Variants in CNTN5 observed in about 807,000 individuals in gnomAD.
The protein encoded by CNTN5 is contactin 5.
CNTN5 carries 77 observed loss-of-function variants against 129.1 expected under a neutral mutation model. The observed-to-expected ratio is 0.60, with a 90% CI of 0.50 to 0.72. CNTN5 has a LOEUF of 0.72. CNTN5 is among the 30% of genes least tolerant of loss of function. The probability of loss-of-function intolerance (pLI) is 0.00; values close to 1 mark genes in which losing one functional copy is unlikely to be tolerated. For missense variants in CNTN5, 1,478 were observed against 1,328.8 expected, an observed-to-expected ratio of 1.11 and a Z score of -1.75; for synonymous variants, 509 against 465.6, an observed-to-expected ratio of 1.09 and a Z score of -1.20.
intron 1 of CNTN5, among the ~76,000 whole-genome samples, chr11:99,093,020 G>T (rs1866317915): frequency 6.6e-6 from 1 of 151,832 alleles, no homozygotes; most frequent in Non-Finnish European, 1.5e-5. Context: ...ATTATTTCTT[G>T]AATTTTAAGA....
At chr11:99,786,111 G>A (rs543357065) in intron 3 of CNTN5, among the ~76,000 whole-genome samples, 2,199 of 152,128 alleles carry the variant, frequency 0.014, 50 homozygotes, top group South Asian at 0.087. Flanking sequence ...AAACCCCGTC[G>A]TCTCAGCCCC....
chr11:100,222,538 G>A (rs1432683454), intron 15 of CNTN5, among the ~76,000 whole-genome samples: 2 of 151,856 alleles, frequency 1.3e-5, no homozygotes, highest in Admixed American at 1.3e-4. Flanking sequence ...ATTAATTACA[G>A]GAATGTGATT....
At chr11:100,068,584 A>G (rs1943783421) in intron 10 of CNTN5, among the ~76,000 whole-genome samples, 1 of 152,152 alleles carries the variant, frequency 6.6e-6, no homozygotes, top group Non-Finnish European at 1.5e-5. Flanking sequence ...GTAAAAGTAG[A>G]GTTTAATATT....
intron 2 of CNTN5, among the ~76,000 whole-genome samples, chr11:99,469,615 T>C (rs1355063893): frequency 2.0e-5 from 3 of 152,116 alleles, no homozygotes; most frequent in African/African-American, 7.2e-5. Context: ...TACTATTGAG[T>C]TTAAACTCAA....
chr11:99,369,212 T>TGTATA (rs1939665347), intron 2 of CNTN5, among the ~76,000 whole-genome samples: 1 of 55,752 alleles, frequency 1.8e-5, no homozygotes, highest in Non-Finnish European at 3.5e-5. Context: ...ATATATATTA[T>TGTATA]ATATAATATA....
intron 3 of CNTN5, among the ~76,000 whole-genome samples, chr11:99,693,461 G>A (rs369618845): frequency 2.0e-5 from 3 of 151,844 alleles, no homozygotes; most frequent in African/African-American, 7.3e-5. Flanking sequence ...GGAGGTATTT[G>A]AATTGAGGGG....
intron 3 of CNTN5, among the ~76,000 whole-genome samples, chr11:99,776,404 T>A (rs1348679552): frequency 1.3e-5 from 2 of 151,976 alleles, no homozygotes; most frequent in South Asian, 2.1e-4. Flanking sequence ...ATAGAAAAAA[T>A]TTCTCTAAAA....
intron 6 of CNTN5, among the ~76,000 whole-genome samples, chr11:99,881,672 G>A (rs527651387): frequency 4.9e-4 from 74 of 152,318 alleles, no homozygotes; most frequent in Admixed American, 1.4e-3. Context: ...AGCTGGCTTA[G>A]TAAGTGCTGC....
rs150775484 is a variant in CNTN5, at chr11:99,647,452, A to G, written c.55+91183A>G. Among the ~76,000 whole-genome samples the G allele has an allele frequency of 1.4e-3, 212 of 152,034 alleles. 1 individual carries two copies. The highest frequency in any genetic ancestry group is 5.0e-3 in the African/African-American group (208 of 41,508). ...TTTGTTTACTATAATCTTGTAGTAT[A>G]TTTTGAAATCTAGTAGTCTCATACT... On this transcript the variant is annotated intron_variant, in intron 3 of 24. Transcript: ENST00000524871.
chr11:99,167,687 G>A (rs1860939263), intron 1 of CNTN5, among the ~76,000 whole-genome samples: 1 of 152,016 alleles, frequency 6.6e-6, no homozygotes. Context: ...AATGGGGTGT[G>A]AAAGAACTTA....
Position 99,028,223 on chromosome 11 carries a change from T to G in CNTN5, c.-210+6953T>G, listed in dbSNP as rs189482299. ...AAAATATATGACTGTGTTTGTTTGT[T>G]TCTCATTCTTTAACGTGGTCTTGTT... On this transcript the variant is annotated intron_variant, in intron 1 of 24. Coordinates refer to ENST00000524871, the MANE Select transcript of CNTN5 (RefSeq NM_014361.4). Among the ~76,000 whole-genome samples, 612 of 151,964 alleles carry G rather than the reference T, an allele frequency of 4.0e-3. 4 individuals carry two copies. Among genetic ancestry groups the G allele is most frequent in the African/African-American group, 0.014 (578 of 41,558 alleles).
At chr11:99,266,952 A>G (rs1862929688) in intron 1 of CNTN5, among the ~76,000 whole-genome samples, 1 of 152,094 alleles carries the variant, frequency 6.6e-6, no homozygotes, top group South Asian at 2.1e-4. Flanking sequence ...GACTATGGAC[A>G]GAAGGAAGAT....
intron 3 of CNTN5, among the ~76,000 whole-genome samples, chr11:99,761,248 A>G (rs1431115799): frequency 2.0e-5 from 3 of 151,876 alleles, no homozygotes; most frequent in African/African-American, 7.3e-5. Context: ...TTTCTGTATT[A>G]GTTTTTTTTT....
intron 6 of CNTN5, among the ~76,000 whole-genome samples, chr11:99,854,426 C>T (rs1947969743): frequency 6.6e-6 from 1 of 151,826 alleles, no homozygotes; most frequent in African/African-American, 2.4e-5. Flanking sequence ...GGGAAAGTCA[C>T]ATTAGGAGGT....
At chr11:99,189,977 T>C (rs926231833) in intron 1 of CNTN5, among the ~76,000 whole-genome samples, 13 of 151,720 alleles carry the variant, frequency 8.6e-5, no homozygotes, top group Non-Finnish European at 1.0e-4. Flanking sequence ...AAAAAAATAT[T>C]GTCTAGACCA....
intron 3 of CNTN5, among the ~76,000 whole-genome samples, chr11:99,770,201 T>C (rs1258316250): frequency 2.0e-5 from 3 of 152,134 alleles, no homozygotes; most frequent in Non-Finnish European, 4.4e-5. Context: ...TATTAGCATA[T>C]AATATTAAGG....
At chr11:99,768,893 A>G (rs1197827718) in intron 3 of CNTN5, among the ~76,000 whole-genome samples, 3 of 152,138 alleles carry the variant, frequency 2.0e-5, no homozygotes, top group African/African-American at 4.8e-5. Flanking sequence ...GTTTTATATA[A>G]TGGATTTAAC....
intron 20 of CNTN5, among the ~76,000 whole-genome samples, chr11:100,301,345 A>G (rs1951215544): frequency 6.6e-6 from 1 of 151,566 alleles, no homozygotes; most frequent in Non-Finnish European, 1.5e-5. Context: ...AATTTATAGC[A>G]GCCACCATGG....
intron 3 of CNTN5, among the ~76,000 whole-genome samples, chr11:99,644,271 T>G (rs557868379): frequency 1.7e-4 from 26 of 152,304 alleles, no homozygotes; most frequent in African/African-American, 5.8e-4. Context: ...TGAGTTCCAG[T>G]TGAGCACTTT....
Sources: allele counts gnomAD v4.1 joint callset (sites outside exome capture counted in the v4.1 genomes callset), GRCh38; gene constraint gnomAD v4.1.1; transcripts MANE v1.5; gene names NCBI Gene and HGNC (gene_info 2026-07-23, HGNC 2026-07-21).